Variants in FAM149A observed in about 807,000 individuals in gnomAD.
The protein encoded by FAM149A is family with sequence similarity 149 member A.
In FAM149A, 71 loss-of-function variants were observed where a neutral mutation model predicts 78.2. That is an observed-to-expected ratio of 0.91 (90% confidence interval 0.75 to 1.11). The LOEUF (loss-of-function observed/expected upper bound fraction) is 1.11, where lower values mean the gene tolerates loss of function less well. FAM149A is among the 50% of genes least tolerant of loss of function. FAM149A has a pLI of 0.00. For synonymous variants in FAM149A, 446 were observed against 410.5 expected (o/e 1.09, Z -1.04); for missense variants, 1,036 against 971.0 (o/e 1.07, Z -0.89).
chr4:186,130,477 G>A (rs62348058), intron 1 of FAM149A, among the ~76,000 whole-genome samples: 1 of 150,968 alleles, frequency 6.6e-6, no homozygotes, highest in Non-Finnish European at 1.5e-5. Context: ...TCGGGGTCAG[G>A]TGATCCTCCC....
At chr4:186,162,316 A>G (rs577886730) in intron 8 of FAM149A, among the ~76,000 whole-genome samples, 2 of 152,272 alleles carry the variant, frequency 1.3e-5, no homozygotes, top group East Asian at 3.9e-4. Flanking sequence ...GGAGAGGAGG[A>G]GAGGAGAGGT....
chr4:186,155,982 G>A lies in FAM149A; in HGVS notation c.1230-18G>A. 1.2e-6 allele frequency: 2 copies of A among 1,602,578 alleles called. No individual in the cohort carries two copies. The highest frequency in any genetic ancestry group is 1.3e-5 in the African/African-American group (1 of 74,480). On this transcript the variant is annotated intron_variant, in intron 6 of 13. Transcript: ENST00000389354. ...AAGCATTGATCTTTTAGTAATTGGA[G>A]TGGGTTTTTATTCTTAGTGATGATG...
intron 13 of FAM149A, among the ~76,000 whole-genome samples, chr4:186,168,565 A>G (rs1402292891): frequency 1.3e-5 from 2 of 152,192 alleles, no homozygotes; most frequent in Non-Finnish European, 2.9e-5. Flanking sequence ...CATATTGGCC[A>G]GGCTGGTCTC....
At chr4:186,149,328 G>T (rs755593709) in intron 2 of FAM149A, 45 bp downstream of exon 2, 1 of 1,266,458 alleles carries the variant, frequency 7.9e-7, no homozygotes, top group Non-Finnish European at 1.0e-6. Flanking sequence ...CAAAATGCCC[G>T]TAACAAATGT....
At chr4:186,132,312 A>G (rs898372304) in intron 1 of FAM149A, 1 of 740,896 alleles carries the variant, frequency 1.3e-6, no homozygotes, top group Non-Finnish European at 1.6e-6. Flanking sequence ...GCTACAGTAA[A>G]TAAGACTGTG....
At chr4:186,169,665 C>T (rs1013341158) in intron 13 of FAM149A, 8 of 985,274 alleles carry the variant, frequency 8.1e-6, no homozygotes, top group South Asian at 4.7e-5. Flanking sequence ...GTGACACCTT[C>T]GGCATATCAC....
intron 1 of FAM149A, chr4:186,117,579 G>C (rs373189903): frequency 1.0e-6 from 1 of 985,440 alleles, no homozygotes. Context: ...GACCAAAGCA[G>C]TGTGAGCAAA....
chr4:186,111,960 G>A (rs1444655507), intron 1 of FAM149A, among the ~76,000 whole-genome samples: 4 of 151,510 alleles, frequency 2.6e-5, no homozygotes, highest in Admixed American at 2.6e-4. Context: ...TATGGGGATG[G>A]CATTGAATCT....
intron 1 of FAM149A, chr4:186,145,181 C>T (rs1732932359): frequency 5.1e-6 from 5 of 980,008 alleles, no homozygotes; most frequent in Non-Finnish European, 6.1e-6. Context: ...GTGTTCTCCG[C>T]CCGCGGGCCG....
intron 1 of FAM149A, chr4:186,145,025 CG>C (rs1378044001): frequency 2.2e-5 from 22 of 981,166 alleles, no homozygotes; most frequent in Non-Finnish European, 2.5e-5. Flanking sequence ...GGGGCCCGCG[CG>C]CGGTGCCTCT....
intron 1 of FAM149A, among the ~76,000 whole-genome samples, chr4:186,143,262 G>C (rs1222219890): frequency 6.8e-6 from 1 of 146,012 alleles, no homozygotes; most frequent in Non-Finnish European, 1.5e-5. Flanking sequence ...AAAACACTGC[G>C]GTTACAGGTG....
chr4:186,126,035 TC>T, intron 1 of FAM149A: 1 of 985,362 alleles, frequency 1.0e-6, no homozygotes, highest in Non-Finnish European at 1.2e-6. Context: ...TCCCTTATAT[TC>T]CTGTTTGGGT....
chr4:186,113,852 G>A (rs1215752137), intron 1 of FAM149A, among the ~76,000 whole-genome samples: 2 of 151,714 alleles, frequency 1.3e-5, no homozygotes, highest in Admixed American at 1.3e-4. Context: ...GTGTGGTGCT[G>A]AAAAAAATGT....
Position 186,136,347 on chromosome 4 carries a change from G to T in FAM149A, c.567-12826G>T, listed in dbSNP as rs373496944. 3.9e-5 allele frequency among the ~76,000 whole-genome samples: 6 copies of T among 152,130 alleles called. No homozygotes were observed. The East Asian group carries it at 1.2e-3, about 29-fold the overall frequency. Reference sequence around the variant, plus strand: ...ACAAATGTGTAAAAGTAAAAAAATTGGATATTAAAGAATGTCATTGGACCC... The same window carrying T: ...ACAAATGTGTAAAAGTAAAAAAATTTGATATTAAAGAATGTCATTGGACCC... On this transcript the variant is annotated intron_variant, in intron 1 of 13. Coordinates refer to ENST00000389354, the MANE Select transcript of FAM149A (RefSeq NM_001367768.3).
At chr4:186,160,884 C>T (rs1734554949) in intron 8 of FAM149A, 2 of 984,680 alleles carry the variant, frequency 2.0e-6, no homozygotes, top group Non-Finnish European at 2.4e-6. Flanking sequence ...TTGATGTCTG[C>T]ATTTAATACT....
In FAM149A at chr4:186,144,666, G is replaced by A. The variant is rs1284625898; in HGVS notation, c.567-4507G>A. The A allele has an allele frequency of 1.2e-5, 4 of 338,006 alleles. No individual in the cohort carries two copies. The highest frequency in any genetic ancestry group is 2.2e-5 in the African/African-American group (1 of 44,926). 20.9% of individuals were successfully genotyped at this position (338,006 alleles called of 1,614,324 possible). On this transcript the variant is annotated intron_variant, in intron 1 of 13. Coordinates refer to ENST00000389354, the MANE Select transcript of FAM149A (RefSeq NM_001367768.3). The surrounding 1 kb of genome is among the most constrained non-coding windows in gnomAD (Gnocchi z 4.2). Reference sequence around the variant, plus strand: ...GCCGTGCGCGGAGGAGTGGCCGCTGGGTTGGAAACCCGGCCCGGCAGGGAG... The same window carrying A: ...GCCGTGCGCGGAGGAGTGGCCGCTGAGTTGGAAACCCGGCCCGGCAGGGAG...
At chr4:186,170,279 G>A (rs1667677032) in intron 13 of FAM149A, among the ~76,000 whole-genome samples, 1 of 152,226 alleles carries the variant, frequency 6.6e-6, no homozygotes. Context: ...GCTGGGTGCT[G>A]TGACACCAGG....
intron 1 of FAM149A, among the ~76,000 whole-genome samples, chr4:186,138,409 T>G (rs13105400): frequency 0.42 from 63,931 of 152,010 alleles, 13,637 homozygotes; most frequent in East Asian, 0.52. Flanking sequence ...CAAATAGTGA[T>G]CCAGAGAATT....
At position 186,105,052 on chromosome 4, in the gene FAM149A, A is replaced by G. The variant is rs985023144; in HGVS notation, c.-25A>G. 35 of 1,264,718 alleles carry G rather than the reference A, an allele frequency of 2.8e-5. No homozygotes were observed. The highest frequency in any genetic ancestry group is 2.2e-4 in the Admixed American group (9 of 41,706). The allele number at this position is 1,264,718 out of a possible 1,614,324, so 78.3% of individuals were successfully genotyped here. ...CGGTCTGAACTCTCGGGCGGCGGCG[A>G]GGACGGCGTGTCCACTGTCGAGGCA... On this transcript the variant is annotated 5_prime_UTR_variant, in exon 1 of 14. Coordinates refer to ENST00000389354, the MANE Select transcript of FAM149A (RefSeq NM_001367768.3).
Sources: allele counts gnomAD v4.1 joint callset (sites outside exome capture counted in the v4.1 genomes callset), GRCh38; gene constraint gnomAD v4.1.1; non-coding constraint Gnocchi (gnomAD v3.1); transcripts MANE v1.5; gene names NCBI Gene and HGNC (gene_info 2026-07-23, HGNC 2026-07-21).